The following PAPSS2 variants were observed in gnomAD, a reference collection of about 807,000 sequenced individuals.
PAPSS2 encodes bifunctional 3'-phosphoadenosine 5'-phosphosulfate synthase 2.
Under a neutral mutation model 66.5 loss-of-function variants are expected in PAPSS2, and 61 were observed. The ratio of observed to expected loss-of-function variants is 0.92; its 90% CI spans 0.75 to 1.14. PAPSS2 has a LOEUF of 1.14. PAPSS2 is among the 50% of genes most tolerant of loss of function. The pLI, the probability that PAPSS2 is intolerant of heterozygous loss-of-function variation, is 0.00. For missense variants in PAPSS2, 708 were observed against 789.6 expected (o/e 0.90, Z 1.24); for synonymous variants, 289 against 287.5 (o/e 1.01, Z -0.05).
chr10:87,666,164 A>G (rs1852814600), intron 1 of PAPSS2, among the ~76,000 whole-genome samples: 1 of 151,794 alleles, frequency 6.6e-6, no homozygotes, highest in Non-Finnish European at 1.5e-5. Flanking sequence ...GGTTTTCACC[A>G]TGTTGGCCAG....
intron 1 of PAPSS2, chr10:87,661,152 A>AT: frequency 2.5e-6 from 1 of 396,790 alleles, no homozygotes; most frequent in Non-Finnish European, 5.0e-6. Context: ...AAAAAAAAAA[A>AT]CAAAATATAA....
At chr10:87,717,758 T>C (rs1853549607) in intron 7 of PAPSS2, among the ~76,000 whole-genome samples, 3 of 152,034 alleles carry the variant, frequency 2.0e-5, no homozygotes, top group Non-Finnish European at 4.4e-5. Context: ...AGAGATAAGG[T>C]CTCACTATGT....
chr10:87,669,645 T>C (rs2131895619), intron 1 of PAPSS2, among the ~76,000 whole-genome samples: 1 of 152,354 alleles, frequency 6.6e-6, no homozygotes, highest in African/African-American at 2.4e-5. Context: ...AGAGCATGTG[T>C]TGTTAGAAAA....
chr10:87,735,386 C>G (rs556460477), intron 9 of PAPSS2, among the ~76,000 whole-genome samples: 1 of 152,254 alleles, frequency 6.6e-6, no homozygotes, highest in South Asian at 2.1e-4. Flanking sequence ...CGGTTTGATG[C>G]CCCCTTCACC....
At chr10:87,736,267 T>TTA (rs1853799240) in intron 9 of PAPSS2, among the ~76,000 whole-genome samples, 1 of 123,402 alleles carries the variant, frequency 8.1e-6, no homozygotes, top group East Asian at 4.8e-4. Context: ...TTCTTTCTTT[T>TTA]TTTTTTTTTT....
At chr10:87,689,673 AAAAAAAAAAG>A (rs922919544) in intron 1 of PAPSS2, among the ~76,000 whole-genome samples, 10 of 149,984 alleles carry the variant, frequency 6.7e-5, no homozygotes, top group African/African-American at 2.2e-4. Context: ...GTCTCAAAAA[AAAAAAAAAAG>A]AAAAAAAAAA....
At chr10:87,712,196 T>C (rs956305330) in intron 2 of PAPSS2, among the ~76,000 whole-genome samples, 3 of 152,156 alleles carry the variant, frequency 2.0e-5, no homozygotes, top group Non-Finnish European at 4.4e-5. Context: ...ATACATCTGC[T>C]CCCTAGCTCA....
At position 87,703,620 on chromosome 10, in the gene PAPSS2, A is replaced by C. The variant is rs186565021; in HGVS notation, c.28-5576A>C. ...TACAGAGAAAGATAAGGAGGTTCAG[A>C]GATGTTAATAACTTGCTCCAGGTCA... On this transcript the variant is annotated intron_variant, in intron 1 of 12. Transcript: ENST00000456849. The C allele has an allele frequency of 2.8e-4, 124 of 448,264 alleles. 1 individual carries two copies. The highest frequency in any genetic ancestry group is 2.3e-3 in the African/African-American group (115 of 49,558). The allele number at this position is 448,264 out of a possible 1,614,324, so 27.8% of individuals were successfully genotyped here.
intron 9 of PAPSS2, among the ~76,000 whole-genome samples, chr10:87,734,843 C>A (rs937481721): frequency 1.4e-4 from 21 of 151,392 alleles, no homozygotes; most frequent in Non-Finnish European, 1.5e-5. Context: ...TCTCTGCTCC[C>A]TTTTTGCATT....
At chr10:87,660,098 C>A in intron 1 of PAPSS2, 90 bp downstream of exon 1, 2 of 1,372,500 alleles carry the variant, frequency 1.5e-6, no homozygotes, top group Non-Finnish European at 2.0e-6. Flanking sequence ...GGGTCCCACC[C>A]TCCCCGGGAG....
At chr10:87,736,361 A>G (rs1401350147) in intron 9 of PAPSS2, among the ~76,000 whole-genome samples, 2 of 138,436 alleles carry the variant, frequency 1.4e-5, no homozygotes, top group Non-Finnish European at 3.0e-5. Flanking sequence ...TCCGCCTCCC[A>G]GGTTCAAGTG....
At position 87,714,003 on chromosome 10, in the gene PAPSS2, G is replaced by A. The variant is rs17125089; in HGVS notation, c.382-41G>A. The A allele has an allele frequency of 4.0e-3, 6,516 of 1,609,830 alleles. 165 individuals are homozygous for A. In the African/African-American group the frequency reaches 0.062, roughly 15 times the overall value. ...GTGTTTTGTGATTTAGAATTTCACC[G>A]TGAAACCTCTTTTTACATTCTTAAT... On this transcript the variant is annotated intron_variant, in intron 3 of 12. Coordinates refer to ENST00000456849, the MANE Select transcript of PAPSS2 (RefSeq NM_001015880.2).
At chr10:87,660,114 G>A in intron 1 of PAPSS2, 106 bp downstream of exon 1, 2 of 1,185,458 alleles carry the variant, frequency 1.7e-6, no homozygotes, top group Non-Finnish European at 2.5e-6. Flanking sequence ...GGGAGGGGGC[G>A]TCGGGAGGAG....
At chr10:87,699,180 G>A (rs188735657) in intron 1 of PAPSS2, among the ~76,000 whole-genome samples, 4 of 152,328 alleles carry the variant, frequency 2.6e-5, no homozygotes, top group Admixed American at 2.0e-4. Flanking sequence ...ACATGATCAA[G>A]TGAAATGGAC....
intron 1 of PAPSS2, among the ~76,000 whole-genome samples, chr10:87,703,040 G>C (rs1182329084): frequency 6.6e-6 from 1 of 152,144 alleles, no homozygotes; most frequent in East Asian, 1.9e-4. Context: ...TGAGGGGTGA[G>C]CCTGGCAGAG....
intron 1 of PAPSS2, among the ~76,000 whole-genome samples, chr10:87,672,195 G>C (rs192427392): frequency 1.3e-5 from 2 of 152,294 alleles, no homozygotes; most frequent in East Asian, 3.9e-4. Flanking sequence ...AGTTTGCCAA[G>C]TTTGGTGGCC....
intron 1 of PAPSS2, among the ~76,000 whole-genome samples, chr10:87,667,985 AT>A (rs1448898409): frequency 2.6e-5 from 4 of 152,184 alleles, no homozygotes; most frequent in Non-Finnish European, 4.4e-5. Context: ...TTTTAAAACA[AT>A]TTTATGTTGG....
rs1554869630 is a variant in PAPSS2, at chr10:87,746,405, CA to C, written c.*446del. 1.6e-3 allele frequency: 233 copies of C among 150,170 alleles called. No individual in the cohort carries two copies. Among genetic ancestry groups the C allele is most frequent in the Non-Finnish European group, 1.9e-3 (131 of 68,028 alleles). 9.3% of individuals were successfully genotyped at this position (150,170 alleles called of 1,614,324 possible). A position where few individuals can be genotyped will look rare whatever the true frequency, so the allele number is the denominator to read the frequency against. On this transcript the variant is annotated 3_prime_UTR_variant, in exon 13 of 13. Transcript: ENST00000456849. ...ATTGTGTCCTCTTCTGTACAATTGA[CA>C]AAAAAAAAAATTTTTTTTTCTCACT...
At chr10:87,740,267 T>A (rs1164795893) in intron 9 of PAPSS2, among the ~76,000 whole-genome samples, 1 of 133,292 alleles carries the variant, frequency 7.5e-6, no homozygotes, top group South Asian at 2.7e-4. Context: ...AACTTTTTGA[T>A]GAGACTAGTA....
Sources: gnomAD v4.1 joint callset for allele counts (sites outside exome capture counted in the v4.1 genomes callset) on GRCh38, gnomAD v4.1.1 for gene constraint, MANE v1.5 for transcripts, NCBI Gene and HGNC (gene_info 2026-07-23, HGNC 2026-07-21) for gene names.